The following LUZP2 variants were observed in gnomAD, a reference collection of about 807,000 sequenced individuals.
LUZP2 encodes the protein leucine zipper protein 2.
LUZP2 carries 52 observed loss-of-function variants against 51.6 expected under a neutral mutation model. The observed-to-expected ratio is 1.01, with a 90% CI of 0.81 to 1.27. The LOEUF (loss-of-function observed/expected upper bound fraction) is 1.27, where lower values mean the gene tolerates loss of function less well. Ranked by LOEUF, LUZP2 falls within the 50% of genes most tolerant of loss-of-function variation. The pLI is 0.00. For missense variants in LUZP2, 436 were observed against 395.4 expected, an observed-to-expected ratio of 1.10 and a Z score of -0.87; for synonymous variants, 154 against 137.3, an observed-to-expected ratio of 1.12 and a Z score of -0.85.
chr11:24,824,378 A>AT (rs1344100646), intron 5 of LUZP2, among the ~76,000 whole-genome samples: 1 of 145,486 alleles, frequency 6.9e-6, no homozygotes, highest in African/African-American at 2.6e-5. Context: ...AAAAAAAAAA[A>AT]AAAAAAAAAA....
At chr11:24,584,183 C>A (rs1852977834) in intron 1 of LUZP2, among the ~76,000 whole-genome samples, 1 of 152,056 alleles carries the variant, frequency 6.6e-6, no homozygotes. Context: ...AGATACCAAC[C>A]TCTGGACTTG....
chr11:25,016,684 CTTAGT>C (rs1400564936), intron 9 of LUZP2, among the ~76,000 whole-genome samples: 1 of 151,998 alleles, frequency 6.6e-6, no homozygotes, highest in Non-Finnish European at 1.5e-5. Flanking sequence ...TTGATGTTCA[CTTAGT>C]TTGGTTTCAT....
At chr11:24,952,574 T>C (rs1463967180) in intron 7 of LUZP2, among the ~76,000 whole-genome samples, 1 of 151,700 alleles carries the variant, frequency 6.6e-6, no homozygotes, top group African/African-American at 2.4e-5. Context: ...CAGGAGCCAA[T>C]AATTGACAGA....
At chr11:24,810,764 G>C (rs1849995065) in intron 5 of LUZP2, among the ~76,000 whole-genome samples, 1 of 152,058 alleles carries the variant, frequency 6.6e-6, no homozygotes, top group Non-Finnish European at 1.5e-5. Flanking sequence ...GAATAAATTA[G>C]GTCATAAAGG....
Position 24,683,181 on chromosome 11 carries a change from G to A in LUZP2, c.63-45988G>A, listed in dbSNP as rs1856801800. Among the ~76,000 whole-genome samples, 2 of 152,176 alleles carry A rather than the reference G, an allele frequency of 1.3e-5. 1 individual carries two copies. The highest frequency in any genetic ancestry group is 4.1e-4 in the South Asian group (2 of 4,834). On this transcript the variant is annotated intron_variant, in intron 1 of 11. Coordinates refer to ENST00000336930, the MANE Select transcript of LUZP2 (RefSeq NM_001009909.4). ...TATTGGAAGACAGGCCGGCAGGCTA[G>A]ACAAAGAGAAGTGTTGAACCTTATG... is the stretch of plus-strand genomic sequence containing the variant.
At chr11:25,002,768 C>T (rs961335030) in intron 9 of LUZP2, among the ~76,000 whole-genome samples, 2 of 152,128 alleles carry the variant, frequency 1.3e-5, no homozygotes, top group Non-Finnish European at 2.9e-5. Context: ...GAAGTTTTGT[C>T]CTGTGGGAAG....
chr11:24,530,063 A>G (rs1272065698), intron 1 of LUZP2, among the ~76,000 whole-genome samples: 3 of 150,962 alleles, frequency 2.0e-5, no homozygotes, highest in African/African-American at 7.3e-5. Flanking sequence ...CTTGGGTATT[A>G]ACCTTCTTTA....
rs140594158 is a variant in LUZP2, at chr11:24,831,653, A to T, written c.396+68345A>T. On this transcript the variant is annotated intron_variant, in intron 5 of 11. Transcript: ENST00000336930. ...GTCAAACACAAACTTGATTGCTATG[A>T]ACGTTGTAGCATGCCATTTAGTGAA... is the stretch of plus-strand genomic sequence containing the variant. Among the ~76,000 whole-genome samples, 206 of 152,304 alleles carry T rather than the reference A, an allele frequency of 1.4e-3. 3 individuals are homozygous for T. Among genetic ancestry groups the T allele is most frequent in the Non-Finnish European group, 1.0e-3 (70 of 68,022 alleles).
intron 5 of LUZP2, among the ~76,000 whole-genome samples, chr11:24,773,432 G>A (rs1355017823): frequency 2.6e-5 from 4 of 152,172 alleles, no homozygotes; most frequent in Non-Finnish European, 5.9e-5. Context: ...TTTATTGGAA[G>A]AAGATAAAGT....
intron 7 of LUZP2, among the ~76,000 whole-genome samples, chr11:24,969,860 C>A (rs1565173773): frequency 6.6e-6 from 1 of 152,102 alleles, no homozygotes; most frequent in African/African-American, 2.4e-5. Flanking sequence ...GCCAGTCCAT[C>A]TCATGACTTG....
Position 25,081,126 on chromosome 11 carries a change from A to T in LUZP2, c.*2468A>T, listed in dbSNP as rs1859449329. ...TTGGCTCACTGCAACTCTGCTTCCC[A>T]GGTTCAAGTGATTCTCCCTGCCTCC... On this transcript the variant is annotated 3_prime_UTR_variant, in exon 12 of 12. Transcript: ENST00000336930. 1 of 136,024 alleles carries T rather than the reference A, an allele frequency of 7.4e-6. No individual in the cohort carries two copies. Among genetic ancestry groups the T allele is most frequent in the Non-Finnish European group, 1.5e-5 (1 of 65,820 alleles). The allele number at this position is 136,024 out of a possible 1,614,324, so 8.4% of individuals were successfully genotyped here. A position where few individuals can be genotyped will look rare whatever the true frequency, so the allele number is the denominator to read the frequency against.
chr11:24,906,253 T>A (rs921775701), intron 6 of LUZP2, among the ~76,000 whole-genome samples, 200 bp downstream of exon 6: 6 of 151,784 alleles, frequency 4.0e-5, no homozygotes, highest in African/African-American at 1.5e-4. Flanking sequence ...AAAAAAAAAA[T>A]TAACAAAGGC....
At chr11:24,704,714 T>A (rs1036963930) in intron 1 of LUZP2, among the ~76,000 whole-genome samples, 9 of 152,120 alleles carry the variant, frequency 5.9e-5, no homozygotes, top group African/African-American at 2.2e-4. Flanking sequence ...CATTTCAAAA[T>A]GCTATATTTG....
At chr11:24,890,104 A>C (rs1183186654) in intron 5 of LUZP2, among the ~76,000 whole-genome samples, 1 of 152,188 alleles carries the variant, frequency 6.6e-6, no homozygotes, top group Admixed American at 6.5e-5. Flanking sequence ...ATTAGATTAC[A>C]TGATATACGA....
intron 5 of LUZP2, among the ~76,000 whole-genome samples, chr11:24,855,173 A>G (rs1851520561): frequency 6.6e-6 from 1 of 152,226 alleles, no homozygotes; most frequent in African/African-American, 2.4e-5. Context: ...TCTAAATTAG[A>G]AAAGAGGAAG....
At chr11:24,673,943 A>G (rs533216451) in intron 1 of LUZP2, among the ~76,000 whole-genome samples, 1 of 152,150 alleles carries the variant, frequency 6.6e-6, no homozygotes, top group Non-Finnish European at 1.5e-5. Flanking sequence ...TTGCCATTGA[A>G]CTTCAAATTG....
intron 1 of LUZP2, among the ~76,000 whole-genome samples, chr11:24,699,456 C>A (rs1304100286): frequency 6.6e-6 from 1 of 151,906 alleles, no homozygotes; most frequent in African/African-American, 2.4e-5. Context: ...ATTACAGATG[C>A]ATTGAATACT....
intron 1 of LUZP2, among the ~76,000 whole-genome samples, chr11:24,548,604 T>C (rs903181502): frequency 5.3e-5 from 8 of 151,966 alleles, no homozygotes; most frequent in African/African-American, 1.9e-4. Flanking sequence ...TCAGGTACTA[T>C]GCTTATTATC....
At chr11:24,697,825 A>G (rs1857293607) in intron 1 of LUZP2, among the ~76,000 whole-genome samples, 1 of 152,142 alleles carries the variant, frequency 6.6e-6, no homozygotes, top group Non-Finnish European at 1.5e-5. Context: ...ACCATTATAA[A>G]GCCTAAGGTT....
Sources: allele counts gnomAD v4.1 joint callset (sites outside exome capture counted in the v4.1 genomes callset), GRCh38; gene constraint gnomAD v4.1.1; transcripts MANE v1.5; gene names NCBI Gene and HGNC (gene_info 2026-07-23, HGNC 2026-07-21).